The following SUGCT variants were observed in gnomAD, a reference collection of about 807,000 sequenced individuals.
SUGCT encodes succinyl-CoA:glutarate-CoA transferase, also known as succinyl-CoA:glutarate CoA-transferase.
Under a neutral mutation model 55.0 loss-of-function variants are expected in SUGCT, and 41 were observed. The ratio of observed to expected loss-of-function variants is 0.74; its 90% CI spans 0.58 to 0.97. The LOEUF (loss-of-function observed/expected upper bound fraction) is 0.97, where lower values mean the gene tolerates loss of function less well. SUGCT is among the 50% of genes least tolerant of loss of function. The probability of loss-of-function intolerance (pLI) is 0.00; values close to 1 mark genes in which losing one functional copy is unlikely to be tolerated. For synonymous variants in SUGCT, 187 were observed against 200.4 expected (o/e 0.93, Z 0.56); for missense variants, 568 against 547.8 (o/e 1.04, Z -0.37).
At chr7:40,504,838 G>C (rs181608361) in intron 12 of SUGCT, among the ~76,000 whole-genome samples, 1 of 152,272 alleles carries the variant, frequency 6.6e-6, no homozygotes, top group East Asian at 1.9e-4. Flanking sequence ...AATATAAAGA[G>C]ATTATTTATA....
At chr7:40,147,210 A>T (rs1156675913) in intron 1 of SUGCT, among the ~76,000 whole-genome samples, 1 of 151,910 alleles carries the variant, frequency 6.6e-6, no homozygotes, top group Non-Finnish European at 1.5e-5. Flanking sequence ...TTTCTTCCCT[A>T]GAGAAGAAAG....
intron 12 of SUGCT, among the ~76,000 whole-genome samples, chr7:40,541,287 G>A (rs1005044749): frequency 6.6e-6 from 1 of 152,214 alleles, no homozygotes; most frequent in Non-Finnish European, 1.5e-5. Flanking sequence ...TGGCAGAAAT[G>A]TAGAGATGTG....
chr7:40,366,796 A>G (rs1035454948), intron 9 of SUGCT, among the ~76,000 whole-genome samples: 9 of 152,090 alleles, frequency 5.9e-5, no homozygotes, highest in Non-Finnish European at 1.2e-4. Flanking sequence ...GAGAAATAGG[A>G]ACACTTTTAC....
chr7:40,783,441 G>T (rs968252743), intron 13 of SUGCT: 17 of 152,238 alleles, frequency 1.1e-4, no homozygotes, highest in African/African-American at 3.9e-4. Context: ...TTTAGTAAAA[G>T]AAACTCTTCT....
At chr7:40,765,133 A>G (rs1466256988) in intron 13 of SUGCT, among the ~76,000 whole-genome samples, 2 of 152,156 alleles carry the variant, frequency 1.3e-5, no homozygotes, top group African/African-American at 4.8e-5. Flanking sequence ...ATTTCTCTTC[A>G]TTTGTAGTGA....
intron 1 of SUGCT, among the ~76,000 whole-genome samples, chr7:40,162,688 A>G (rs757275460): frequency 6.6e-6 from 1 of 152,074 alleles, no homozygotes; most frequent in Non-Finnish European, 1.5e-5. Context: ...GCATCTTGCT[A>G]TGTTGTGCTG....
At chr7:40,263,448 C>A (rs1031738230) in intron 7 of SUGCT, among the ~76,000 whole-genome samples, 5 of 152,052 alleles carry the variant, frequency 3.3e-5, no homozygotes, top group African/African-American at 1.2e-4. Context: ...CATTTGAATC[C>A]AGAAAAGTGG....
Position 40,420,162 on chromosome 7 carries a change from G to A in SUGCT, c.817-29125G>A, listed in dbSNP as rs532174291. Among the ~76,000 whole-genome samples, 3 of 152,262 alleles carry A rather than the reference G, an allele frequency of 2.0e-5. No homozygotes were observed. The South Asian group carries it at 6.2e-4, about 32-fold the overall frequency. ...TCAGCAGCTGGGTGATTTTTGAAGT[G>A]TGAGAATGAGTTGATAAAGGAAGAA... On this transcript the variant is annotated intron_variant, in intron 9 of 13. Coordinates refer to ENST00000335693, the MANE Select transcript of SUGCT (RefSeq NM_001193313.2).
the SUGCT span, among the ~76,000 whole-genome samples, chr7:40,899,572 G>A: frequency 6.6e-6 from 1 of 151,850 alleles, no homozygotes; most frequent in East Asian, 1.9e-4. Context: ...AGTATTCCCG[G>A]GAGAACAAAA....
chr7:40,490,023 A>G (rs377487351), intron 11 of SUGCT, among the ~76,000 whole-genome samples: 1 of 152,188 alleles, frequency 6.6e-6, no homozygotes, highest in South Asian at 2.1e-4. Context: ...CACTATAGCT[A>G]TTGCAGCACT....
intron 1 of SUGCT, among the ~76,000 whole-genome samples, chr7:40,166,827 C>T (rs1378741234): frequency 6.7e-6 from 1 of 149,202 alleles, no homozygotes; most frequent in African/African-American, 2.5e-5. Context: ...GTGGAGGTTG[C>T]AGTGAGCCGA....
At chr7:40,561,233 T>A (rs1458163946) in intron 12 of SUGCT, among the ~76,000 whole-genome samples, 3 of 152,224 alleles carry the variant, frequency 2.0e-5, no homozygotes, top group African/African-American at 7.2e-5. Flanking sequence ...AGATAGACTT[T>A]ACCAAAAGCT....
Position 40,855,325 on chromosome 7 carries a change from GC to G in SUGCT, c.1154-4989del, listed in dbSNP as rs112847237. ...AAATTTATCCTCTTCTACTCTTTTT[GC>G]CTCTTTTTTCCTGGGGTTCTTGTCT... is the stretch of plus-strand genomic sequence containing the variant. On this transcript the variant is annotated intron_variant, in intron 13 of 13. Coordinates refer to ENST00000335693, the MANE Select transcript of SUGCT (RefSeq NM_001193313.2). 3.7e-3 allele frequency among the ~76,000 whole-genome samples: 546 copies of G among 148,340 alleles called. 1 individual carries two copies. The highest frequency in any genetic ancestry group is 0.013 in the African/African-American group (511 of 40,582).
At position 40,181,959 on chromosome 7, in the gene SUGCT, C is replaced by G; in HGVS notation, c.157C>G (p.Leu53Val). The stretch of plus-strand genomic sequence containing the variant: ...TTATCATTTTTAACATTGTAGAGTC[C>G]TGGCGGGACCTTTTGCTACTATGAA... The part of the protein sequence containing the change: ...GVKILDLTRV[L>V]AGPFATMNLG... Residue 53 changes from leucine to valine, a missense_variant, in exon 3 of 14, where the codon CTG becomes GTG. Coordinates refer to ENST00000335693, the MANE Select transcript of SUGCT (RefSeq NM_001193313.2). The G allele has an allele frequency of 6.3e-7, 1 of 1,581,658 alleles. No homozygotes were observed. The highest frequency in any genetic ancestry group is 1.7e-4 in the Middle Eastern group (1 of 5,876).
At chr7:40,862,657 AT>A (rs1243366825), downstream of SUGCT, among the ~76,000 whole-genome samples, 6 of 151,290 alleles carry the variant, frequency 4.0e-5, no homozygotes, top group Non-Finnish European at 7.4e-5. Context: ...GGCTTAGAAA[AT>A]TTTCTGAAAC....
intron 13 of SUGCT, among the ~76,000 whole-genome samples, chr7:40,822,195 A>G (rs1253187824): frequency 2.0e-5 from 3 of 152,148 alleles, no homozygotes; most frequent in East Asian, 1.9e-4. Context: ...TATGTGGTCA[A>G]TTTTGTAATA....
chr7:40,899,647 T>A, the SUGCT span, among the ~76,000 whole-genome samples: 4 of 151,274 alleles, frequency 2.6e-5, no homozygotes, highest in East Asian at 5.8e-4. Flanking sequence ...CTTCCAGGAC[T>A]CTTTCCTACT....
intron 6 of SUGCT, among the ~76,000 whole-genome samples, chr7:40,209,259 T>C (rs1180375961): frequency 6.6e-6 from 1 of 152,158 alleles, no homozygotes; most frequent in Admixed American, 6.5e-5. Flanking sequence ...TCCCAGCACT[T>C]TGGGAGGCCG....
intron 12 of SUGCT, among the ~76,000 whole-genome samples, chr7:40,668,186 A>C (rs1801748280): frequency 6.6e-6 from 1 of 152,164 alleles, no homozygotes; most frequent in Non-Finnish European, 1.5e-5. Context: ...GTATTGACTG[A>C]GTCCTTTCAC....
Sources: gnomAD v4.1 joint callset for allele counts (sites outside exome capture counted in the v4.1 genomes callset) on GRCh38, gnomAD v4.1.1 for gene constraint, MANE v1.5 for transcripts, NCBI Gene and HGNC (gene_info 2026-07-23, HGNC 2026-07-21) for gene names.